GUCY2C: variants seen among roughly 807,000 people sequenced by gnomAD.
GUCY2C encodes guanylate cyclase 2C.
In GUCY2C, 118 loss-of-function variants were observed where a neutral mutation model predicts 131.1. The ratio of observed to expected loss-of-function variants is 0.90; its 90% confidence interval spans 0.78 to 1.05. The LOEUF (loss-of-function observed/expected upper bound fraction) is 1.05, where lower values mean the gene tolerates loss of function less well. Among genes scored for constraint, GUCY2C ranks in the 50% least tolerant of loss-of-function variants. The pLI, the probability that GUCY2C is intolerant of heterozygous loss-of-function variation, is 0.00. For missense variants in GUCY2C, 1,161 were observed against 1,304.4 expected, an observed-to-expected ratio of 0.89 and a Z score of 1.69; for synonymous variants, 452 against 457.8, an observed-to-expected ratio of 0.99 and a Z score of 0.16.
intron 19 of GUCY2C, among the ~76,000 whole-genome samples, chr12:14,638,007 G>A (rs919641784): frequency 6.6e-6 from 1 of 152,082 alleles, no homozygotes; most frequent in African/African-American, 2.4e-5. Context: ...TATACAAGGA[G>A]CTCAAACAAC....
chr12:14,661,163 C>A, intron 10 of GUCY2C, 101 bp from the exon 11 acceptor site: 1 of 727,674 alleles, frequency 1.4e-6, no homozygotes, highest in Non-Finnish European at 2.4e-6. Context: ...AAAAGAGAAC[C>A]CTTTAAAAAA....
intron 12 of GUCY2C, among the ~76,000 whole-genome samples, chr12:14,653,388 C>T (rs1947704732): frequency 6.6e-6 from 1 of 152,166 alleles, no homozygotes; most frequent in Admixed American, 6.5e-5. Flanking sequence ...CACACTCATG[C>T]CTAAAGGCCC....
intron 19 of GUCY2C, among the ~76,000 whole-genome samples, chr12:14,635,434 C>T (rs1285284137): frequency 1.3e-5 from 2 of 151,992 alleles, no homozygotes; most frequent in African/African-American, 4.8e-5. Context: ...ACACAGCATA[C>T]CACAACTTAT....
chr12:14,672,766 A>T, intron 9 of GUCY2C, 107 bp downstream of exon 9: 1 of 708,776 alleles, frequency 1.4e-6, no homozygotes, highest in Admixed American at 2.0e-5. Flanking sequence ...CTGTCTTCAG[A>T]TCCTAAACAT....
chr12:14,638,063 A>G (rs910697499), intron 19 of GUCY2C, among the ~76,000 whole-genome samples: 1 of 152,230 alleles, frequency 6.6e-6, no homozygotes, highest in African/African-American at 2.4e-5. Context: ...AAACTCATGA[A>G]TAAACATTTC....
rs980779082 is a variant in GUCY2C at position 14,644,241 on chromosome 12, T to C, written c.1798-535A>G. ...GCTCATGCCTGTAATCCCAGCACTT[T>C]GGGAGGCCGAGCTACTCAGGAAGCT... On this transcript the variant is annotated intron_variant, in intron 16 of 26. Transcript: ENST00000261170. Among the ~76,000 whole-genome samples, 4 of 152,306 alleles carry C rather than the reference T, an allele frequency of 2.6e-5. No individual in the cohort carries two copies. In the East Asian group the frequency reaches 7.7e-4, roughly 29 times the overall value.
chr12:14,617,306 A>C (rs1565602980), intron 24 of GUCY2C, among the ~76,000 whole-genome samples: 1 of 152,290 alleles, frequency 6.6e-6, no homozygotes, highest in Non-Finnish European at 1.5e-5. Flanking sequence ...CACAAGAAAT[A>C]TAATCTCACG....
chr12:14,646,475 C>T (rs550753053), intron 15 of GUCY2C, among the ~76,000 whole-genome samples: 1 of 152,230 alleles, frequency 6.6e-6, no homozygotes, highest in African/African-American at 2.4e-5. Context: ...ACCATTCACC[C>T]ATCCTACCCT....
intron 9 of GUCY2C, among the ~76,000 whole-genome samples, chr12:14,671,826 G>A (rs570840518): frequency 6.6e-6 from 1 of 152,338 alleles, no homozygotes; most frequent in East Asian, 1.9e-4. Context: ...CTGAAGTATT[G>A]ATGGGATCTT....
At chr12:14,661,976 G>A (rs1428999986) in intron 10 of GUCY2C, among the ~76,000 whole-genome samples, 1 of 152,090 alleles carries the variant, frequency 6.6e-6, no homozygotes, top group Non-Finnish European at 1.5e-5. Flanking sequence ...CCAACCCAAG[G>A]AAGCACTGAA....
At chr12:14,619,537 C>T (rs1279036756) in intron 23 of GUCY2C, among the ~76,000 whole-genome samples, 2 of 152,120 alleles carry the variant, frequency 1.3e-5, no homozygotes, top group East Asian at 1.9e-4. Context: ...GCAAAGAAAA[C>T]GACATTTGTA....
At chr12:14,644,683 T>C (rs904293003) in intron 16 of GUCY2C, among the ~76,000 whole-genome samples, 10 of 151,758 alleles carry the variant, frequency 6.6e-5, no homozygotes, top group African/African-American at 2.4e-4. Flanking sequence ...TATTGATTCC[T>C]GCAAGATGGT....
intron 21 of GUCY2C, among the ~76,000 whole-genome samples, chr12:14,622,681 T>C (rs1289797250): frequency 2.6e-5 from 4 of 152,232 alleles, no homozygotes; most frequent in African/African-American, 9.6e-5. Flanking sequence ...CATTGCTTAA[T>C]ATTACTATGA....
chr12:14,680,081 C>G (rs533420680), intron 5 of GUCY2C, among the ~76,000 whole-genome samples: 6 of 150,704 alleles, frequency 4.0e-5, no homozygotes, highest in African/African-American at 1.5e-4. Context: ...AGTGCTTATT[C>G]CATTATGCCA....
intron 2 of GUCY2C, among the ~76,000 whole-genome samples, chr12:14,687,318 A>C (rs1054019186): frequency 2.0e-4 from 30 of 152,310 alleles, no homozygotes; most frequent in African/African-American, 7.2e-4. Context: ...CTAACATTTA[A>C]ATAAAGAAAC....
rs571110425 is a variant in GUCY2C at position 14,668,154 on chromosome 12, C to G, written c.1282+1568G>C. Among the ~76,000 whole-genome samples the G allele has an allele frequency of 2.7e-3, 409 of 151,136 alleles. 2 individuals are homozygous for G. Among genetic ancestry groups the G allele is most frequent in the African/African-American group, 9.8e-3 (405 of 41,180 alleles). On this transcript the variant is annotated intron_variant, in intron 10 of 26. Transcript: ENST00000261170. ...GAGTAGCTGGGACCACAGGTATGCA[C>G]CTCTATGTCCACTAATTTATATATA...
intron 3 of GUCY2C, among the ~76,000 whole-genome samples, chr12:14,685,000 T>C (rs77729229): frequency 1.6e-4 from 25 of 152,206 alleles, no homozygotes; most frequent in African/African-American, 5.5e-4. Flanking sequence ...TGTTTCCATT[T>C]CCCTGATGGC....
At chr12:14,633,641 A>T (rs1947200378) in intron 19 of GUCY2C, among the ~76,000 whole-genome samples, 1 of 123,336 alleles carries the variant, frequency 8.1e-6, no homozygotes, top group African/African-American at 2.7e-5. Context: ...ATATGGGAGA[A>T]TACAGAAAAA....
chr12:14,674,840 A>G, intron 7 of GUCY2C, 80 bp from the exon 8 acceptor site: 1 of 1,074,590 alleles, frequency 9.3e-7, no homozygotes, highest in Non-Finnish European at 1.4e-6. Context: ...GGTTGTTGGG[A>G]TCAGCAGGGT....
Sources: gnomAD v4.1 joint callset for allele counts (sites outside exome capture counted in the v4.1 genomes callset) on GRCh38, gnomAD v4.1.1 for gene constraint, MANE v1.5 for transcripts, NCBI Gene and HGNC (gene_info 2026-07-23, HGNC 2026-07-21) for gene names.